Variants in PCDHGA5 observed in about 807,000 individuals in gnomAD.
The protein encoded by PCDHGA5 is protocadherin gamma-A5.
In PCDHGA5, 36 loss-of-function variants were observed where a neutral mutation model predicts 56.7. The ratio of observed to expected loss-of-function variants is 0.64; its 90% CI spans 0.49 to 0.84. PCDHGA5 has a LOEUF of 0.84. PCDHGA5 is among the 40% of genes least tolerant of loss of function. The pLI is 0.00. For missense variants in PCDHGA5, 1,305 were observed against 1,201.5 expected (o/e 1.09, Z -1.27); for synonymous variants, 563 against 520.2 (o/e 1.08, Z -1.12).
At chr5:141,393,357 G>C in intron 1 of PCDHGA5, 5 of 1,613,924 alleles carry the variant, frequency 3.1e-6, no homozygotes, top group Admixed American at 1.7e-5. Flanking sequence ...CTCCCTGGAC[G>C]TGCAGACTGG....
intron 1 of PCDHGA5, chr5:141,405,580 G>T: frequency 1.7e-6 from 1 of 591,996 alleles, no homozygotes; most frequent in South Asian, 2.1e-5. Flanking sequence ...GAGTAGCTGG[G>T]ACTACAGGCC....
intron 1 of PCDHGA5, among the ~76,000 whole-genome samples, chr5:141,445,332 A>G (rs1364481039): frequency 1.4e-4 from 22 of 152,140 alleles, no homozygotes; most frequent in Admixed American, 1.4e-3. Context: ...CCATCCAGAA[A>G]CAGTAAACAT....
At chr5:141,388,274 G>A (rs1340999969) in intron 1 of PCDHGA5, 1 of 1,590,544 alleles carries the variant, frequency 6.3e-7, no homozygotes, top group African/African-American at 1.5e-5. Context: ...ATGACCACAC[G>A]CCAAAATTCA....
intron 1 of PCDHGA5, chr5:141,370,468 T>C: frequency 6.2e-7 from 1 of 1,613,240 alleles, no homozygotes. Context: ...CTCTCTTTGT[T>C]AGACCAGGCT....
chr5:141,490,933 C>T lies in PCDHGA5; in HGVS notation c.2422-3874C>T, dbSNP rs781291690. ...CGAGAATGATAATGCCCCAGCTGTG[C>T]TGCACCCACGGCCAGACTGGGAACA... On this transcript the variant is annotated intron_variant, in intron 1 of 3. Transcript: ENST00000518069. The surrounding 1 kb of genome is among the most constrained non-coding windows in gnomAD (Gnocchi z 5.4). 5.0e-6 allele frequency: 8 copies of T among 1,613,702 alleles called. No individual in the cohort carries two copies. The highest frequency in any genetic ancestry group is 5.9e-6 in the Non-Finnish European group (7 of 1,179,770).
chr5:141,422,785 T>C, intron 1 of PCDHGA5: 1 of 1,614,146 alleles, frequency 6.2e-7, no homozygotes, highest in Non-Finnish European at 8.5e-7. Flanking sequence ...TGCCCTACAA[T>C]CCTTCGACTA....
At chr5:141,368,564 A>G (rs1368053393) in intron 1 of PCDHGA5, among the ~76,000 whole-genome samples, 1 of 152,176 alleles carries the variant, frequency 6.6e-6, no homozygotes, top group African/African-American at 2.4e-5. Flanking sequence ...AAAATGTTAT[A>G]TGCTTCTTAG....
At chr5:141,376,144 G>A (rs753001081) in intron 1 of PCDHGA5, 6 of 1,613,800 alleles carry the variant, frequency 3.7e-6, no homozygotes, top group South Asian at 1.1e-5. Context: ...CCAACGATTC[G>A]GACCTCACTC....
intron 1 of PCDHGA5, among the ~76,000 whole-genome samples, chr5:141,450,322 T>A (rs1246284108): frequency 6.6e-6 from 1 of 152,106 alleles, no homozygotes; most frequent in African/African-American, 2.4e-5. Context: ...CTAGTTGCCA[T>A]GTCTCTTTAA....
intron 1 of PCDHGA5, chr5:141,418,385 G>T: frequency 6.2e-7 from 1 of 1,613,930 alleles, no homozygotes; most frequent in Non-Finnish European, 8.5e-7. Context: ...AAGTCCTAAC[G>T]AGTATTTCTC....
At chr5:141,509,335 G>T (rs113423267) in intron 3 of PCDHGA5, among the ~76,000 whole-genome samples, 106 of 152,262 alleles carry the variant, frequency 7.0e-4, no homozygotes, top group African/African-American at 2.4e-3. Context: ...CTGCCAGCTG[G>T]GCCTGGGCTG....
intron 2 of PCDHGA5, among the ~76,000 whole-genome samples, chr5:141,502,165 T>C (rs1017904375): frequency 1.8e-4 from 28 of 152,196 alleles, no homozygotes; most frequent in African/African-American, 6.3e-4. Context: ...AGATATTCAG[T>C]TGAGGAATTT....
chr5:141,487,864 C>A lies in PCDHGA5; in HGVS notation c.2422-6943C>A. On this transcript the variant is annotated intron_variant, in intron 1 of 3. Coordinates refer to ENST00000518069, the MANE Select transcript of PCDHGA5 (RefSeq NM_018918.3). The surrounding 1 kb of genome is among the most constrained non-coding windows in gnomAD (Gnocchi z 5.0). ...GTAAGAAATGAAAGTAATTGGTGAT[C>A]AAGAGCCAGGCTGTTGTGGAAGCAT... 1 of 899,610 alleles carries A rather than the reference C, an allele frequency of 1.1e-6. No individual in the cohort carries two copies. Among genetic ancestry groups the A allele is most frequent in the Non-Finnish European group, 1.7e-6 (1 of 599,584 alleles). The allele number at this position is 899,610 out of a possible 1,614,324, so 55.7% of individuals were successfully genotyped here.
chr5:141,436,813 G>A (rs537103294), intron 1 of PCDHGA5, among the ~76,000 whole-genome samples: 91 of 152,320 alleles, frequency 6.0e-4, no homozygotes, highest in Non-Finnish European at 1.1e-3. Flanking sequence ...TGTGACAGCT[G>A]GTTTAAAAAT....
chr5:141,484,230 G>A (rs1325484143), intron 1 of PCDHGA5, among the ~76,000 whole-genome samples: 2 of 152,174 alleles, frequency 1.3e-5, no homozygotes, highest in Non-Finnish European at 2.9e-5. Flanking sequence ...CAGGTAAAGA[G>A]ATCTGGTCCT....
chr5:141,441,230 ATTTAAATCACAAGATC>A (rs1009424536), intron 1 of PCDHGA5: 1 of 152,196 alleles, frequency 6.6e-6, no homozygotes, highest in African/African-American at 2.4e-5. Context: ...ACTGTCCAGG[ATTTAAATCACAAGATC>A]TTTAAATCAC....
At chr5:141,419,023 A>T (rs768427376) in intron 1 of PCDHGA5, 2 of 1,613,958 alleles carry the variant, frequency 1.2e-6, no homozygotes, top group Non-Finnish European at 1.7e-6. Flanking sequence ...GCTTAAGTAG[A>T]GGTGTTCCAT....
intron 1 of PCDHGA5, chr5:141,408,637 T>C (rs766685548): frequency 4.3e-6 from 7 of 1,614,044 alleles, no homozygotes; most frequent in Non-Finnish European, 5.9e-6. Context: ...TTTTCGAATC[T>C]GCATCCGCTG....
At chr5:141,380,146 C>T (rs754635164) in intron 1 of PCDHGA5, among the ~76,000 whole-genome samples, 19 of 151,960 alleles carry the variant, frequency 1.3e-4, no homozygotes, top group African/African-American at 4.1e-4. Flanking sequence ...GTGATCCACC[C>T]GCCTCAGCCT....
Sources: allele counts gnomAD v4.1 joint callset (sites outside exome capture counted in the v4.1 genomes callset), GRCh38; gene constraint gnomAD v4.1.1; non-coding constraint Gnocchi (gnomAD v3.1); transcripts MANE v1.5; gene names NCBI Gene and HGNC (gene_info 2026-07-23, HGNC 2026-07-21).